ATP2A1: variants seen among roughly 807,000 people sequenced by gnomAD.
ATP2A1 encodes the protein ATPase sarcoplasmic/endoplasmic reticulum Ca2+ transporting 1, also known as sarcoplasmic/endoplasmic reticulum calcium ATPase 1.
ATP2A1 carries 83 observed loss-of-function variants against 109.5 expected under a neutral mutation model. The ratio of observed to expected loss-of-function variants is 0.76; its 90% confidence interval spans 0.63 to 0.91. The LOEUF is 0.91. ATP2A1 is among the 40% of genes least tolerant of loss of function. ATP2A1 has a pLI of 0.00. For synonymous variants in ATP2A1, 505 were observed against 537.6 expected (o/e 0.94, Z 0.84); for missense variants, 1,101 against 1,341.0 (o/e 0.82, Z 2.80).
In ATP2A1 at chr16:28,883,650, C is replaced by T. The variant is rs1963547255; in HGVS notation, c.464-925C>T. Among the ~76,000 whole-genome samples the T allele has an allele frequency of 1.3e-5, 2 of 152,128 alleles. No individual in the cohort carries two copies. Among genetic ancestry groups the T allele is most frequent in the Non-Finnish European group, 2.9e-5 (2 of 68,018 alleles). On this transcript the variant is annotated intron_variant, in intron 5 of 22. Transcript: ENST00000395503. The surrounding 1 kb of genome is among the most constrained non-coding windows in gnomAD (Gnocchi z 5.2). ...TCTCTGAGTCTGGCTGGGCATCCAC[C>T]TCTCCAGCCCCCCGACAAGGTGGTT...
chr16:28,894,148 C>G lies in ATP2A1; in HGVS notation c.1096-7C>G. The G allele has an allele frequency of 6.2e-7, 1 of 1,613,544 alleles. No homozygotes were observed. The highest frequency in any genetic ancestry group is 8.5e-7 in the Non-Finnish European group (1 of 1,179,638). On this transcript the variant is annotated splice_region_variant and splice_polypyrimidine_tract_variant and intron_variant, in intron 9 of 22. Transcript: ENST00000395503. ...GACATCTGTGTGCCTGCCCTTCTCC[C>G]CTGCAGATGTTTATCATTGACAAGG...
rs998970252 is a variant in ATP2A1 at position 28,901,858 on chromosome 16, C to T, written c.2101-5C>T. ...CCCTAAGCCCACCTTCTCCTCCTCC[C>T]TCAGACAGGTGATGGCGTCAATGAC... On this transcript the variant is annotated splice_polypyrimidine_tract_variant and splice_region_variant and intron_variant, in intron 15 of 22. Transcript: ENST00000395503. 5 of 1,613,242 alleles carry T rather than the reference C, an allele frequency of 3.1e-6. No homozygotes were observed. The highest frequency in any genetic ancestry group is 4.2e-6 in the Non-Finnish European group (5 of 1,179,612).
At chr16:28,884,282 A>G (rs966110423) in intron 5 of ATP2A1, among the ~76,000 whole-genome samples, 9 of 152,162 alleles carry the variant, frequency 5.9e-5, no homozygotes, top group Non-Finnish European at 8.8e-5. Flanking sequence ...ACACCTGCCC[A>G]TCCCTTCTCA....
chr16:28,882,082 G>A (rs1207864824), intron 4 of ATP2A1, among the ~76,000 whole-genome samples: 3 of 148,138 alleles, frequency 2.0e-5, no homozygotes, highest in South Asian at 2.1e-4. Flanking sequence ...GATTACAGGC[G>A]CGTGCTACTA....
intron 6 of ATP2A1, among the ~76,000 whole-genome samples, chr16:28,886,933 A>G (rs1266205352): frequency 1.3e-5 from 2 of 150,354 alleles, no homozygotes; most frequent in Non-Finnish European, 3.0e-5. Flanking sequence ...GGGAGGTTGC[A>G]GTGAGCTGAG....
At chr16:28,888,707 G>T in intron 8 of ATP2A1, 80 bp from the exon 9 acceptor site, 1 of 1,521,990 alleles carries the variant, frequency 6.6e-7, no homozygotes, top group Admixed American at 1.7e-5. Context: ...GCCCAGCTGG[G>T]GGCTACTATT....
chr16:28,882,100 C>CTT (rs778416146), intron 4 of ATP2A1, among the ~76,000 whole-genome samples: 1,094 of 90,288 alleles, frequency 0.012, 102 homozygotes, highest in African/African-American at 0.063. Context: ...CTACGCCCGG[C>CTT]TTTTTTTTTT....
rs1011804272 is a variant in ATP2A1 at position 28,901,976 on chromosome 16, C to G, written c.2214C>G (p.Asp738Glu). ...CCTCTGAGATGGTGCTGGCTGACGACAACTTCTCCACCATCGTAGCTGCTG... is the reference window on the plus strand; with the variant it reads ...CCTCTGAGATGGTGCTGGCTGACGAGAACTTCTCCACCATCGTAGCTGCTG... ...KTASEMVLAD[D>E]NFSTIVAAVE... The change falls in exon 16 of 23, where the codon GAC becomes GAG. Residue 738 changes from aspartate to glutamate, a missense_variant. Physicochemically the swap from Asp to Glu is conservative, Grantham distance 45. Transcript: ENST00000395503. The G allele has an allele frequency of 1.9e-6, 3 of 1,614,104 alleles. No homozygotes were observed. The highest frequency in any genetic ancestry group is 2.7e-5 in the African/African-American group (2 of 74,928).
rs375907931 is a variant in ATP2A1, at chr16:28,883,081, C to T, written c.463+492C>T. Among the ~76,000 whole-genome samples, 8 of 152,204 alleles carry T rather than the reference C, an allele frequency of 5.3e-5. No homozygotes were observed. Among genetic ancestry groups the T allele is most frequent in the Non-Finnish European group, 1.2e-4 (8 of 68,020 alleles). On this transcript the variant is annotated intron_variant, in intron 5 of 22. Coordinates refer to ENST00000395503, the MANE Select transcript of ATP2A1 (RefSeq NM_004320.6). The surrounding 1 kb of genome is among the most constrained non-coding windows in gnomAD (Gnocchi z 5.2). Reference sequence around the variant, plus strand: ...GGAAACTCAGGCCTGGCACAGAGCACGCGACCGGGGAGGAGGGAGCTCAAG... The same window carrying T: ...GGAAACTCAGGCCTGGCACAGAGCATGCGACCGGGGAGGAGGGAGCTCAAG...
intron 11 of ATP2A1, 39 bp downstream of exon 11, chr16:28,894,646 G>A (rs1425557341): frequency 5.6e-6 from 9 of 1,608,084 alleles, no homozygotes; most frequent in Non-Finnish European, 7.7e-6. Flanking sequence ...TCAGAGTCTG[G>A]GCCTCCTCCG....
chr16:28,902,676 G>A lies in ATP2A1; in HGVS notation c.2610+11G>A. 2 of 1,614,040 alleles carry A rather than the reference G, an allele frequency of 1.2e-6. No individual in the cohort carries two copies. The highest frequency in any genetic ancestry group is 1.1e-5 in the South Asian group (1 of 91,082). ...AACTACAGCCAGCTGGTAGGGGGAG[G>A]CCACAAAGGAGGGGACCAGGAGGGT... On this transcript the variant is annotated intron_variant, in intron 18 of 22. Transcript: ENST00000395503. This position sits in a 1 kb window ranked among gnomAD's most constrained non-coding sequence, Gnocchi z 4.8.
chr16:28,894,550 G>A lies in ATP2A1; in HGVS notation c.1230G>A (p.Leu410=), dbSNP rs1367842667. ...KPVRPGQYDG[L]VELATICALC... Reference sequence around the variant, plus strand: ...TCCGGCCAGGGCAGTATGACGGGCTGGTGGAGCTGGCCACCATCTGTGCCC... The same window carrying A: ...TCCGGCCAGGGCAGTATGACGGGCTAGTGGAGCTGGCCACCATCTGTGCCC... Residue 410 remains leucine, a synonymous_variant, in exon 11 of 23, where the codon CTG becomes CTA. Transcript: ENST00000395503. 3 of 1,613,984 alleles carry A rather than the reference G, an allele frequency of 1.9e-6. No individual in the cohort carries two copies. Among genetic ancestry groups the A allele is most frequent in the Admixed American group, 1.7e-5 (1 of 59,996 alleles).
rs974053285 is a variant in ATP2A1 at position 28,903,914 on chromosome 16, G to T, written c.*37+173G>T. On this transcript the variant is annotated intron_variant, in intron 22 of 22. Transcript: ENST00000395503. The surrounding 1 kb of genome is among the most constrained non-coding windows in gnomAD (Gnocchi z 5.6). ...GTGGGCCGCTGGCCTCCCACTGGGCGTCAGTTTGGCTCCCAGGCCCTGGGC... is the reference window on the plus strand; with the variant it reads ...GTGGGCCGCTGGCCTCCCACTGGGCTTCAGTTTGGCTCCCAGGCCCTGGGC... The T allele has an allele frequency of 2.6e-6, 2 of 771,860 alleles. No homozygotes were observed. The highest frequency in any genetic ancestry group is 3.1e-5 in the South Asian group (2 of 65,424). 47.8% of individuals were successfully genotyped at this position (771,860 alleles called of 1,614,324 possible).
At chr16:28,900,534 T>C (rs1219040097) in intron 14 of ATP2A1, 47 bp from the exon 15 acceptor site, 1 of 1,510,078 alleles carries the variant, frequency 6.6e-7, no homozygotes, top group African/African-American at 1.4e-5. Flanking sequence ...CCAGGGGAGT[T>C]TTCCAGATCC....
At chr16:28,888,754 AGGTTCCCTC>A in intron 8 of ATP2A1, 24 bp from the exon 9 acceptor site, 1 of 1,609,668 alleles carries the variant, frequency 6.2e-7, no homozygotes, top group Admixed American at 1.7e-5. Flanking sequence ...CTCCCCTTGC[AGGTTCCCTC>A]ACACCCTCCC....
chr16:28,884,862 C>T (rs367568481), intron 6 of ATP2A1, among the ~76,000 whole-genome samples: 16 of 152,280 alleles, frequency 1.1e-4, no homozygotes, highest in African/African-American at 3.1e-4. Context: ...GCAGGAGGAT[C>T]GCCTGGGTAC....
rs1057522341 is a variant in ATP2A1 at position 28,878,785 on chromosome 16, C to T, written c.114C>T (p.Leu38=). ...AGCGGAATCTGGAGAAATACGGCCT[C>T]AATGGTAAGTGTCCCTTGGAAGAGC... ...QVKRNLEKYG[L]NELPAEEGKT... is the part of the protein sequence containing the mutation. Residue 38 remains leucine (L), a synonymous_variant, in exon 1 of 23, where the codon CTC becomes CTT. Transcript: ENST00000395503. 1.2e-6 allele frequency: 2 copies of T among 1,613,974 alleles called. No homozygotes were observed. The highest frequency in any genetic ancestry group is 4.5e-5 in the East Asian group (2 of 44,882).
chr16:28,879,883 G>C, intron 3 of ATP2A1: 1 of 635,436 alleles, frequency 1.6e-6, no homozygotes, highest in Non-Finnish European at 2.1e-6. Context: ...TCCGGGCTCC[G>C]GGTCCCGCCG....
rs1963900388 is a variant in ATP2A1, at chr16:28,895,658, C to G, written c.1419+705C>G. Among the ~76,000 whole-genome samples, 4 of 149,296 alleles carry G rather than the reference C, an allele frequency of 2.7e-5. No homozygotes were observed. The South Asian group carries it at 8.5e-4, about 32-fold the overall frequency. ...CTGGGCAACATAGTGAGACCCGCAT[C>G]TCTACAAAAAAAAACGAAAACAAAA... On this transcript the variant is annotated intron_variant, in intron 12 of 22. Transcript: ENST00000395503.
Sources: gnomAD v4.1 joint callset for allele counts (sites outside exome capture counted in the v4.1 genomes callset) on GRCh38, gnomAD v4.1.1 for gene constraint, Gnocchi (gnomAD v3.1) non-coding constraint, MANE v1.5 for transcripts, NCBI Gene and HGNC (gene_info 2026-07-23, HGNC 2026-07-21) for gene names.